The following ASIC2 variants were observed in gnomAD, a reference collection of about 807,000 sequenced individuals.
The protein encoded by ASIC2 is acid-sensing ion channel 2.
A neutral mutation model predicts 57.3 loss-of-function variants in ASIC2; 25 were observed. The observed-to-expected ratio is 0.44, with a 90% confidence interval of 0.32 to 0.61. The LOEUF (loss-of-function observed/expected upper bound fraction) is 0.61, where lower values mean the gene tolerates loss of function less well. ASIC2 is among the 20% of genes least tolerant of loss of function. ASIC2 has a pLI of 0.06. For synonymous variants in ASIC2, 319 were observed against 307.5 expected, an observed-to-expected ratio of 1.04 and a Z score of -0.39; for missense variants, 641 against 738.1, an observed-to-expected ratio of 0.87 and a Z score of 1.52.
chr17:33,506,252 AAAAAG>A (rs1914253364), intron 1 of ASIC2, among the ~76,000 whole-genome samples: 1 of 151,506 alleles, frequency 6.6e-6, no homozygotes, highest in African/African-American at 2.4e-5. Context: ...AAAAAAAAAA[AAAAAG>A]AAAAAATTAG....
rs183206423 is a variant in ASIC2 at position 33,687,180 on chromosome 17, C to T, written c.555+468798G>A. 5.9e-5 allele frequency among the ~76,000 whole-genome samples: 9 copies of T among 152,216 alleles called. No individual in the cohort carries two copies. In the South Asian group the frequency reaches 8.3e-4, roughly 14 times the overall value. On this transcript the variant is annotated intron_variant, in intron 1 of 9. Transcript: ENST00000359872. ...AACACTTAAAACATCTAGAACTGTA[C>T]GAGGCACATCATAGGTGCCTGATGT...
intron 1 of ASIC2, among the ~76,000 whole-genome samples, chr17:33,894,788 T>C (rs1054218324): frequency 2.0e-5 from 3 of 152,152 alleles, no homozygotes; most frequent in Non-Finnish European, 4.4e-5. Flanking sequence ...AGACAGGACA[T>C]TGACTCTTGC....
At position 34,132,641 on chromosome 17, in the gene ASIC2, G is replaced by A. The variant is rs552509376; in HGVS notation, c.555+23337C>T. On this transcript the variant is annotated intron_variant, in intron 1 of 9. Transcript: ENST00000359872. ...TGGTGTGTTTTACAGAGTGCTGATT[G>A]GTGCATTTTACAATCCTCTTGTAAG... Among the ~76,000 whole-genome samples the A allele has an allele frequency of 3.3e-5, 5 of 152,102 alleles. No individual in the cohort carries two copies. In the South Asian group the frequency reaches 1.0e-3, roughly 32 times the overall value.
intron 1 of ASIC2, among the ~76,000 whole-genome samples, chr17:34,087,659 C>T (rs1050781967): frequency 1.7e-4 from 26 of 152,004 alleles, no homozygotes; most frequent in Non-Finnish European, 3.7e-4. Flanking sequence ...CCATTCTCCC[C>T]GTCACTTTCA....
intron 1 of ASIC2, among the ~76,000 whole-genome samples, chr17:33,278,434 G>A (rs1210248066): frequency 1.3e-5 from 2 of 151,766 alleles, no homozygotes; most frequent in Non-Finnish European, 1.5e-5. Context: ...GATCACCTGA[G>A]CTGAGATCAT....
chr17:33,425,261 A>T (rs1911177378), intron 1 of ASIC2, among the ~76,000 whole-genome samples: 1 of 152,246 alleles, frequency 6.6e-6, no homozygotes, highest in Admixed American at 6.5e-5. Flanking sequence ...TGCCTGGCAC[A>T]TAGAGACCTT....
chr17:33,200,895 C>A (rs67020012), intron 1 of ASIC2, among the ~76,000 whole-genome samples: 26,498 of 151,970 alleles, frequency 0.17, 2,795 homozygotes, highest in South Asian at 0.35. Flanking sequence ...TGCTACCTGC[C>A]AAGCTCACCT....
At position 33,017,591 on chromosome 17, in the gene ASIC2, A is replaced by G; in HGVS notation, c.1521+14T>C. On this transcript the variant is annotated intron_variant, in intron 8 of 9. Transcript: ENST00000225823. ...GCATGCGGTCATTTCCCTGTGGGGA[A>G]TCCCAAATCTTACCTCATAAATATA... 3 of 1,605,622 alleles carry G rather than the reference A, an allele frequency of 1.9e-6. No individual in the cohort carries two copies. Among genetic ancestry groups the G allele is most frequent in the Non-Finnish European group, 2.6e-6 (3 of 1,172,980 alleles).
chr17:33,042,361 T>C (rs1195813281), intron 3 of ASIC2, among the ~76,000 whole-genome samples: 1 of 152,210 alleles, frequency 6.6e-6, no homozygotes, highest in African/African-American at 2.4e-5. Context: ...CAATAACACC[T>C]GCCAGTTGGT....
At chr17:34,018,592 A>G (rs1907047850) in intron 1 of ASIC2, among the ~76,000 whole-genome samples, 1 of 152,224 alleles carries the variant, frequency 6.6e-6, no homozygotes, top group Admixed American at 6.5e-5. Context: ...GATATAATTA[A>G]GAACATCTGT....
intron 1 of ASIC2, among the ~76,000 whole-genome samples, chr17:33,662,822 T>C (rs1172475137): frequency 4.7e-5 from 7 of 147,422 alleles, no homozygotes; most frequent in Non-Finnish European, 1.0e-4. Context: ...CAAGAATATG[T>C]AAGATAAAAT....
intron 3 of ASIC2, among the ~76,000 whole-genome samples, chr17:33,044,987 G>A (rs1044374765): frequency 6.6e-6 from 1 of 152,130 alleles, no homozygotes; most frequent in Non-Finnish European, 1.5e-5. Context: ...TACTGCATGT[G>A]CAGAGATACA....
At chr17:33,946,922 G>A (rs1182342699) in intron 1 of ASIC2, among the ~76,000 whole-genome samples, 1 of 152,064 alleles carries the variant, frequency 6.6e-6, no homozygotes, top group African/African-American at 2.4e-5. Context: ...GTGAAGGGGA[G>A]GAGATGGGGC....
At chr17:33,840,308 TAG>T (rs757664156) in intron 1 of ASIC2, among the ~76,000 whole-genome samples, 1 of 152,144 alleles carries the variant, frequency 6.6e-6, no homozygotes, top group East Asian at 1.9e-4. Flanking sequence ...GTTCCCAGAA[TAG>T]AGAGTCATTG....
chr17:33,212,019 G>A (rs982113579), intron 1 of ASIC2, among the ~76,000 whole-genome samples: 3 of 152,122 alleles, frequency 2.0e-5, no homozygotes, highest in African/African-American at 4.8e-5. Context: ...CTCAGGAAGG[G>A]CAGAACTTTG....
At chr17:33,181,947 G>C (rs919261523) in intron 1 of ASIC2, among the ~76,000 whole-genome samples, 2 of 152,200 alleles carry the variant, frequency 1.3e-5, no homozygotes, top group African/African-American at 4.8e-5. Context: ...ATAGTGGCCA[G>C]GGCCAGATCG....
intron 1 of ASIC2, among the ~76,000 whole-genome samples, chr17:33,375,760 T>C (rs188907781): frequency 3.3e-5 from 5 of 152,260 alleles, no homozygotes; most frequent in Admixed American, 2.0e-4. Context: ...TAGAGCTATT[T>C]GCTAATGGAG....
chr17:33,423,902 A>G (rs1481525559), intron 1 of ASIC2, among the ~76,000 whole-genome samples: 1 of 152,234 alleles, frequency 6.6e-6, no homozygotes, highest in Non-Finnish European at 1.5e-5. Context: ...GGACTTCCTC[A>G]GAAATGTACC....
chr17:34,033,790 T>C (rs1420037885), intron 1 of ASIC2, among the ~76,000 whole-genome samples: 1 of 152,160 alleles, frequency 6.6e-6, no homozygotes, highest in African/African-American at 2.4e-5. Context: ...TCTTGACACA[T>C]ACATCCTCCC....
Sources: gnomAD v4.1 joint callset for allele counts (sites outside exome capture counted in the v4.1 genomes callset) on GRCh38, gnomAD v4.1.1 for gene constraint, MANE v1.5 for transcripts, NCBI Gene and HGNC (gene_info 2026-07-23, HGNC 2026-07-21) for gene names.